Variants in DAPL1 observed in about 807,000 individuals in gnomAD.
DAPL1 encodes the protein death-associated protein-like 1.
DAPL1 carries 17 observed loss-of-function variants against 12.9 expected under a neutral mutation model. That is an observed-to-expected ratio of 1.32 (90% CI 0.90 to 1.98). The LOEUF is 1.98. Ranked by LOEUF, DAPL1 falls within the 30% of genes most tolerant of loss-of-function variation. DAPL1 has a pLI of 0.00. For synonymous variants in DAPL1, 51 were observed against 42.0 expected, an observed-to-expected ratio of 1.21 and a Z score of -0.82; for missense variants, 157 against 125.7, an observed-to-expected ratio of 1.25 and a Z score of -1.19.
chr2:158,815,141 T>C (rs2059253165), intron 3 of DAPL1, among the ~76,000 whole-genome samples: 1 of 152,256 alleles, frequency 6.6e-6, no homozygotes, highest in African/African-American at 2.4e-5. Context: ...TTTTGTTCCC[T>C]GAGGCTAGTA....
intron 1 of DAPL1, among the ~76,000 whole-genome samples, chr2:158,795,875 C>T (rs2059131895): frequency 6.6e-6 from 1 of 152,118 alleles, no homozygotes; most frequent in Non-Finnish European, 1.5e-5. Flanking sequence ...GACTTCCTAC[C>T]CAGGCAAAGC....
chr2:158,811,764 C>T (rs1575230453), intron 3 of DAPL1, among the ~76,000 whole-genome samples: 1 of 152,136 alleles, frequency 6.6e-6, no homozygotes, highest in Non-Finnish European at 1.5e-5. Flanking sequence ...ACAAGAAACA[C>T]CTTTTATTCT....
chr2:158,795,393 C>A lies in DAPL1; in HGVS notation c.21C>A (p.Asp7Glu), dbSNP rs1470889847. 1 of 1,555,834 alleles carries A rather than the reference C, an allele frequency of 6.4e-7. No homozygotes were observed. Among genetic ancestry groups the A allele is most frequent in the Non-Finnish European group, 8.7e-7 (1 of 1,149,356 alleles). Residue 7 changes from aspartate to glutamate, a missense_variant, in exon 1 of 4, where the codon GAC (aspartate) becomes GAA (glutamate). By Grantham distance (45) the Asp-to-Glu change is conservative. Transcript: ENST00000309950. MANEVQ[D>E]LLSPRKGGHP... Reference sequence around the variant, plus strand: ...ACGCTATGGCAAATGAAGTGCAAGACCTGCTCTCCCCTCGGAAAGGGGGAC... The same window carrying A: ...ACGCTATGGCAAATGAAGTGCAAGAACTGCTCTCCCCTCGGAAAGGGGGAC...
chr2:158,805,185 G>A (rs1390896973), intron 2 of DAPL1, among the ~76,000 whole-genome samples: 3 of 152,210 alleles, frequency 2.0e-5, no homozygotes, highest in Non-Finnish European at 4.4e-5. Context: ...GAAATAGACT[G>A]TGGCACTTCT....
chr2:158,795,458 C>G, intron 1 of DAPL1, 28 bp downstream of exon 1: 1 of 1,550,848 alleles, frequency 6.4e-7, no homozygotes, highest in East Asian at 2.4e-5. Context: ...CTCAGTCCTG[C>G]AGGCTGTTGC....
intron 3 of DAPL1, among the ~76,000 whole-genome samples, chr2:158,812,032 A>C (rs754620029): frequency 6.6e-6 from 1 of 152,134 alleles, no homozygotes; most frequent in Non-Finnish European, 1.5e-5. Context: ...TAGACTCTCC[A>C]CCCATAGCCC....
chr2:158,801,230 T>C (rs1018740755), intron 1 of DAPL1, among the ~76,000 whole-genome samples: 1 of 152,186 alleles, frequency 6.6e-6, no homozygotes, highest in Admixed American at 6.5e-5. Flanking sequence ...GTAGGAATAA[T>C]AGCATCAGGG....
intron 3 of DAPL1, among the ~76,000 whole-genome samples, chr2:158,807,468 C>T (rs543628045): frequency 6.6e-6 from 1 of 152,120 alleles, no homozygotes; most frequent in Non-Finnish European, 1.5e-5. Context: ...TGGTTTTTGA[C>T]CTTCCTCCCT....
At chr2:158,815,205 T>C (rs1192135052) in intron 3 of DAPL1, among the ~76,000 whole-genome samples, 3 of 152,228 alleles carry the variant, frequency 2.0e-5, no homozygotes, top group South Asian at 2.1e-4. Context: ...CCATATGGAA[T>C]GGCCAATATC....
chr2:158,815,888 C>A lies in DAPL1; in HGVS notation c.*67C>A. The A allele has an allele frequency of 8.9e-7, 1 of 1,123,766 alleles. No individual in the cohort carries two copies. The highest frequency in any genetic ancestry group is 1.4e-6 in the Non-Finnish European group (1 of 734,654). The allele number at this position is 1,123,766 out of a possible 1,614,324, so 69.6% of individuals were successfully genotyped here. On this transcript the variant is annotated 3_prime_UTR_variant, in exon 4 of 4. Coordinates refer to ENST00000309950, the MANE Select transcript of DAPL1 (RefSeq NM_001017920.3). The stretch of plus-strand genomic sequence containing the variant: ...TATCTGACAGCTTAGCAAAAAGGGC[C>A]AAAGCTTTCCATAGGCGTGCTGCAC...
chr2:158,798,549 C>T (rs1017916015), intron 1 of DAPL1, among the ~76,000 whole-genome samples: 6 of 152,262 alleles, frequency 3.9e-5, no homozygotes, highest in Middle Eastern at 3.4e-3. Context: ...GACTTCTAGA[C>T]GTGGCAACAG....
intron 1 of DAPL1, among the ~76,000 whole-genome samples, chr2:158,799,801 G>A (rs1464145506): frequency 2.0e-5 from 3 of 152,120 alleles, no homozygotes; most frequent in South Asian, 2.1e-4. Flanking sequence ...TGACAGAGAC[G>A]ATTTAAAGAC....
Position 158,815,729 on chromosome 2 carries a change from G to A in DAPL1, c.232G>A (p.Val78Met). The A allele has an allele frequency of 1.2e-6, 2 of 1,613,574 alleles. No homozygotes were observed. Among genetic ancestry groups the A allele is most frequent in the Non-Finnish European group, 1.7e-6 (2 of 1,179,580 alleles). The change falls in exon 4 of 4, where the codon GTG (valine) becomes ATG (methionine). Residue 78 changes from valine to methionine, a missense_variant. Transcript: ENST00000309950. ...GCTCAACTATAAATTTCCAGCAACA[G>A]TGCACATGGCGCATCAAAAACCCAC... Reference protein sequence around the residue: ...EKLNYKFPATVHMAHQKPTPA... With the variant: ...EKLNYKFPATMHMAHQKPTPA...
chr2:158,809,474 T>C (rs895630821), intron 3 of DAPL1, among the ~76,000 whole-genome samples: 1 of 152,022 alleles, frequency 6.6e-6, no homozygotes, highest in Non-Finnish European at 1.5e-5. Flanking sequence ...GGGTTACTGG[T>C]TAGGAGAGCA....
intron 2 of DAPL1, among the ~76,000 whole-genome samples, chr2:158,804,796 T>C (rs2059191123): frequency 6.6e-6 from 1 of 152,228 alleles, no homozygotes; most frequent in South Asian, 2.1e-4. Context: ...GTCTTTTTTG[T>C]TTTAAACCCA....
intron 3 of DAPL1, among the ~76,000 whole-genome samples, chr2:158,811,486 G>C (rs1020908514): frequency 3.9e-5 from 6 of 152,136 alleles, no homozygotes; most frequent in African/African-American, 1.4e-4. Context: ...ATTTTCTTGC[G>C]TCTAGAATTT....
chr2:158,813,521 T>C (rs1339123778), intron 3 of DAPL1, among the ~76,000 whole-genome samples: 3 of 151,940 alleles, frequency 2.0e-5, no homozygotes, highest in African/African-American at 7.3e-5. Flanking sequence ...AAATATCTTC[T>C]ATCACTTATT....
chr2:158,804,120 A>T (rs927466005), intron 1 of DAPL1, among the ~76,000 whole-genome samples, 162 bp from the exon 2 acceptor site: 7 of 76,718 alleles, frequency 9.1e-5, no homozygotes, highest in African/African-American at 2.3e-4. Flanking sequence ...CTGGTTTGCC[A>T]ATAAAATATA....
intron 1 of DAPL1, among the ~76,000 whole-genome samples, chr2:158,795,737 C>T (rs371324509): frequency 5.9e-5 from 9 of 151,984 alleles, no homozygotes; most frequent in African/African-American, 1.9e-4. Flanking sequence ...ATTCCTTTCA[C>T]GGGGCCCTGG....
Sources: gnomAD v4.1 joint callset for allele counts (sites outside exome capture counted in the v4.1 genomes callset) on GRCh38, gnomAD v4.1.1 for gene constraint, MANE v1.5 for transcripts, NCBI Gene and HGNC (gene_info 2026-07-23, HGNC 2026-07-21) for gene names.